Variants in FOXP2 observed in about 807,000 individuals in gnomAD.
FOXP2 encodes the protein forkhead box P2.
A neutral mutation model predicts 115.8 loss-of-function variants in FOXP2; 12 were observed. That is an observed-to-expected ratio of 0.10 (90% CI 0.07 to 0.17). The LOEUF (loss-of-function observed/expected upper bound fraction) is 0.17. Among genes scored for constraint, FOXP2 ranks in the 10% least tolerant of loss-of-function variants. FOXP2 has a pLI of 1.00. For missense variants in FOXP2, 629 were observed against 843.5 expected, an observed-to-expected ratio of 0.75 and a Z score of 3.15; for synonymous variants, 328 against 297.7, an observed-to-expected ratio of 1.10 and a Z score of -1.05.
intron 1 of FOXP2, among the ~76,000 whole-genome samples, chr7:114,232,098 T>G (rs1039918486): frequency 4.6e-5 from 7 of 152,128 alleles, no homozygotes; most frequent in African/African-American, 1.7e-4. Context: ...CCAAAAGGAA[T>G]ATGAAAAGAT....
intron 3 of FOXP2, among the ~76,000 whole-genome samples, chr7:114,544,001 G>GT (rs770825934): frequency 6.6e-6 from 1 of 152,060 alleles, no homozygotes; most frequent in African/African-American, 2.4e-5. Context: ...TGCCTAGCAT[G>GT]TTTTTTTCTT....
At chr7:114,164,567 C>T (rs1248476469) in intron 1 of FOXP2, among the ~76,000 whole-genome samples, 1 of 151,820 alleles carries the variant, frequency 6.6e-6, no homozygotes, top group Non-Finnish European at 1.5e-5. Context: ...GTCTCGATTT[C>T]TTGACCTTGT....
chr7:114,563,135 C>A (rs1413252956), intron 3 of FOXP2, among the ~76,000 whole-genome samples: 1 of 152,136 alleles, frequency 6.6e-6, no homozygotes, highest in African/African-American at 2.4e-5. Flanking sequence ...ATACCTGCCC[C>A]CATGATTCAG....
intron 6 of FOXP2, among the ~76,000 whole-genome samples, chr7:114,635,246 A>G (rs1213478856): frequency 6.6e-6 from 1 of 152,224 alleles, no homozygotes; most frequent in Admixed American, 6.5e-5. Flanking sequence ...ATGGAAGTCT[A>G]AGTAGCCAAA....
chr7:114,644,938 T>A (rs1311379175), intron 8 of FOXP2, 149 bp downstream of exon 8: 3 of 622,672 alleles, frequency 4.8e-6, no homozygotes, highest in African/African-American at 3.7e-5. Context: ...AACAAGTGGA[T>A]TAGTAAGATC....
At chr7:114,114,501 A>G (rs577856510) in intron 1 of FOXP2, among the ~76,000 whole-genome samples, 1 of 152,244 alleles carries the variant, frequency 6.6e-6, no homozygotes, top group East Asian at 1.9e-4. Context: ...GAGTTTGATT[A>G]TGAGACGGAC....
intron 1 of FOXP2, among the ~76,000 whole-genome samples, chr7:114,148,256 A>C (rs1792431218): frequency 1.3e-5 from 2 of 152,208 alleles, no homozygotes; most frequent in Non-Finnish European, 2.9e-5. Context: ...AACTCTATTG[A>C]GTCTTCTCAT....
intron 3 of FOXP2, among the ~76,000 whole-genome samples, chr7:114,609,362 T>C (rs184436378): frequency 1.2e-3 from 178 of 152,294 alleles, no homozygotes; most frequent in Non-Finnish European, 9.1e-4. Flanking sequence ...CGTTCCATGC[T>C]TAATATATTT....
At position 114,658,119 on chromosome 7, in the gene FOXP2, A is replaced by G. The variant is rs759778893; in HGVS notation, c.1320A>G (p.Pro440=). 5.9e-5 allele frequency: 96 copies of G among 1,613,686 alleles called. No homozygotes were observed. The highest frequency in any genetic ancestry group is 7.7e-5 in the Non-Finnish European group (91 of 1,179,860). Reference sequence around the variant, plus strand: ...CGAAGAATATGTTGGAGACATCCCCACAGAGCTTACCTCAAACCCCTACCA... The same window carrying G: ...CGAAGAATATGTTGGAGACATCCCCGCAGAGCTTACCTCAAACCCCTACCA... The part of the protein sequence containing the change: ...TMSKNMLETS[P]QSLPQTPTTP... The change falls in exon 11 of 17, where the codon CCA becomes CCG. Residue 440 remains proline (P), a synonymous_variant. Transcript: ENST00000350908.
intron 1 of FOXP2, among the ~76,000 whole-genome samples, chr7:114,205,510 A>G (rs1356590994): frequency 6.6e-6 from 1 of 152,128 alleles, no homozygotes. Context: ...CAAGTTTTTA[A>G]TATTTTTGGT....
chr7:114,655,736 A>T (rs1364656555), intron 10 of FOXP2, among the ~76,000 whole-genome samples: 1 of 152,192 alleles, frequency 6.6e-6, no homozygotes, highest in Non-Finnish European at 1.5e-5. Flanking sequence ...TGAATTTATT[A>T]CCAAGGAGAA....
intron 14 of FOXP2, 33 bp from the exon 15 acceptor site, chr7:114,663,417 G>A (rs373580601): frequency 1.2e-4 from 172 of 1,407,622 alleles, no homozygotes; most frequent in Middle Eastern, 9.1e-4. Flanking sequence ...ATATTTTGAC[G>A]TATAAATGAT....
intron 1 of FOXP2, among the ~76,000 whole-genome samples, chr7:114,196,040 G>A (rs542281711): frequency 7.2e-5 from 11 of 152,246 alleles, no homozygotes; most frequent in African/African-American, 2.6e-4. Flanking sequence ...TTGCGGCAGA[G>A]TCTCGCTCTG....
chr7:114,405,533 G>A (rs528237966), intron 2 of FOXP2, among the ~76,000 whole-genome samples: 1 of 151,870 alleles, frequency 6.6e-6, no homozygotes, highest in Admixed American at 6.6e-5. Flanking sequence ...CCAAAATAAT[G>A]AGGCTAGTAG....
At chr7:114,645,395 A>G (rs558952970) in intron 8 of FOXP2, 2 of 151,916 alleles carry the variant, frequency 1.3e-5, no homozygotes, top group East Asian at 1.9e-4. Flanking sequence ...AACAGATTAC[A>G]TGGCTTCTCT....
At chr7:114,497,526 G>C (rs1797373826) in intron 2 of FOXP2, among the ~76,000 whole-genome samples, 1 of 152,094 alleles carries the variant, frequency 6.6e-6, no homozygotes, top group Admixed American at 6.6e-5. Context: ...GTGCACATCT[G>C]TAATCCCAGC....
At chr7:114,618,860 T>A (rs1563038135) in intron 3 of FOXP2, among the ~76,000 whole-genome samples, 1 of 152,174 alleles carries the variant, frequency 6.6e-6, no homozygotes, top group African/African-American at 2.4e-5. Flanking sequence ...TTAAGTCTCT[T>A]GAAGGGGAAG....
intron 2 of FOXP2, among the ~76,000 whole-genome samples, chr7:114,356,465 A>G (rs763751331): frequency 1.3e-5 from 2 of 152,196 alleles, no homozygotes; most frequent in East Asian, 1.9e-4. Flanking sequence ...GAGAAATTAA[A>G]TGAGGATTCC....
intron 1 of FOXP2, among the ~76,000 whole-genome samples, chr7:114,185,905 C>T (rs1160776851): frequency 1.3e-5 from 2 of 152,032 alleles, no homozygotes; most frequent in African/African-American, 4.8e-5. Context: ...ATTCACAATT[C>T]TGGAGCCTGG....
Sources: allele counts gnomAD v4.1 joint callset (sites outside exome capture counted in the v4.1 genomes callset), GRCh38; gene constraint gnomAD v4.1.1; transcripts MANE v1.5; gene names NCBI Gene and HGNC (gene_info 2026-07-23, HGNC 2026-07-21).